The following WDR27 variants were observed in gnomAD, a reference collection of about 807,000 sequenced individuals.
The protein encoded by WDR27 is WD repeat-containing protein 27.
In WDR27, 100 loss-of-function variants were observed where a neutral mutation model predicts 114.4. The observed-to-expected ratio is 0.87, with a 90% CI of 0.74 to 1.03. The LOEUF is 1.03. WDR27 is among the 50% of genes least tolerant of loss of function. WDR27 has a pLI of 0.00. For missense variants in WDR27, 1,129 were observed against 1,092.9 expected (o/e 1.03, Z -0.47); for synonymous variants, 449 against 423.1 (o/e 1.06, Z -0.75).
chr6:169,685,973 G>A (rs1259172705), intron 2 of WDR27, among the ~76,000 whole-genome samples: 2 of 152,080 alleles, frequency 1.3e-5, no homozygotes, highest in Non-Finnish European at 2.9e-5. Flanking sequence ...CACATATAAG[G>A]GAATCTCTAT....
intron 1 of WDR27, among the ~76,000 whole-genome samples, chr6:169,697,844 T>C (rs1329987397): frequency 6.6e-6 from 1 of 152,172 alleles, no homozygotes; most frequent in Non-Finnish European, 1.5e-5. Flanking sequence ...TTGGGGCCAC[T>C]ACCGGTCTCC....
intron 25 of WDR27, among the ~76,000 whole-genome samples, chr6:169,503,350 A>G (rs1200631382): frequency 6.6e-6 from 1 of 152,252 alleles, no homozygotes; most frequent in Non-Finnish European, 1.5e-5. Flanking sequence ...AGGGTATGTA[A>G]TCGTAGGTCC....
intron 17 of WDR27, among the ~76,000 whole-genome samples, chr6:169,640,460 G>A (rs1818877698): frequency 6.6e-6 from 1 of 152,228 alleles, no homozygotes; most frequent in Non-Finnish European, 1.5e-5. Flanking sequence ...TAGAGTTCTG[G>A]CAGTTTTAGC....
intron 17 of WDR27, among the ~76,000 whole-genome samples, chr6:169,643,484 G>A (rs1562790913): frequency 6.6e-6 from 1 of 152,212 alleles, no homozygotes; most frequent in Non-Finnish European, 1.5e-5. Flanking sequence ...CAGGGCAACA[G>A]CCACGAAAGT....
chr6:169,584,153 G>C (rs1181729088), intron 23 of WDR27, among the ~76,000 whole-genome samples: 2 of 152,108 alleles, frequency 1.3e-5, no homozygotes, highest in East Asian at 1.9e-4. Flanking sequence ...ATTTCACACA[G>C]AAGTGAGATC....
intron 25 of WDR27, among the ~76,000 whole-genome samples, chr6:169,552,453 T>C (rs1015720251): frequency 6.6e-6 from 1 of 152,168 alleles, no homozygotes; most frequent in African/African-American, 2.4e-5. Flanking sequence ...TACAGCTGTG[T>C]TGGACAAATG....
chr6:169,676,352 T>C (rs771857748), intron 2 of WDR27, among the ~76,000 whole-genome samples: 2 of 152,212 alleles, frequency 1.3e-5, no homozygotes, highest in Non-Finnish European at 2.9e-5. Context: ...TTTAACCCTA[T>C]ATAACGTGGC....
At chr6:169,697,469 TCCTCTA>T (rs974552842) in intron 1 of WDR27, among the ~76,000 whole-genome samples, 6 of 152,164 alleles carry the variant, frequency 3.9e-5, no homozygotes, top group African/African-American at 1.4e-4. Context: ...AAGACTCTAC[TCCTCTA>T]CCTCTTGTGG....
At chr6:169,668,292 C>A in intron 4 of WDR27, 107 bp from the exon 5 acceptor site, 1 of 1,098,336 alleles carries the variant, frequency 9.1e-7, no homozygotes, top group Non-Finnish European at 1.3e-6. Flanking sequence ...GCTCAGGCGA[C>A]AGGCACAGTC....
chr6:169,598,952 C>T (rs990963309), intron 23 of WDR27, among the ~76,000 whole-genome samples: 30 of 152,098 alleles, frequency 2.0e-4, no homozygotes, highest in Admixed American at 1.3e-3. Context: ...TGATTTTCAA[C>T]GTGAAAATAA....
Position 169,651,932 on chromosome 6 carries a change from T to C in WDR27, c.1479A>G (p.Pro493=), listed in dbSNP as rs1445439243. ...KVRSSGYASA[P]HVTMFSPKTN... ...CTCATTGACATGAGTTCACTCACTG[T>C]GGTGCTGACGCATAACCAGATGACC... The change falls in exon 14 of 26, where the codon CCA becomes CCG. Residue 493 remains proline, a splice_region_variant and synonymous_variant. Coordinates refer to ENST00000448612, the MANE Select transcript of WDR27 (RefSeq NM_182552.5). 6.2e-7 allele frequency: 1 copy of C among 1,613,404 alleles called. No individual in the cohort carries two copies. Among genetic ancestry groups the C allele is most frequent in the Admixed American group, 1.7e-5 (1 of 59,974 alleles).
chr6:169,668,405 T>C (rs898223469), intron 4 of WDR27, among the ~76,000 whole-genome samples: 1 of 152,168 alleles, frequency 6.6e-6, no homozygotes, highest in Non-Finnish European at 1.5e-5. Flanking sequence ...GCCCCATGCA[T>C]CTGCCCTGAG....
the WDR27 span, among the ~76,000 whole-genome samples, chr6:169,428,608 A>AGGGGGGGGGTGGGGGGGGGGGG: frequency 8.7e-6 from 1 of 114,464 alleles, no homozygotes. Flanking sequence ...GGCGGGGGGG[A>AGGGGGGGGGTGGGGGGGGGGGG]GGGGGGGGTT....
chr6:169,663,466 A>G (rs1263304729), intron 8 of WDR27: 1 of 152,268 alleles, frequency 6.6e-6, no homozygotes, highest in East Asian at 1.9e-4. Flanking sequence ...GCACACACCA[A>G]TGAAAGAGGT....
chr6:169,620,957 C>T (rs915832584), intron 21 of WDR27, among the ~76,000 whole-genome samples: 1 of 152,190 alleles, frequency 6.6e-6, no homozygotes, highest in Non-Finnish European at 1.5e-5. Flanking sequence ...GTTACCTGGT[C>T]AGCACAGAGC....
At chr6:169,434,137 G>A in the WDR27 span, among the ~76,000 whole-genome samples, 3 of 152,264 alleles carry the variant, frequency 2.0e-5, no homozygotes, top group East Asian at 3.9e-4. Context: ...ATTGCTTTTG[G>A]TGTTTTAGTC....
chr6:169,550,351 C>A (rs1030121293), intron 25 of WDR27, among the ~76,000 whole-genome samples: 3 of 152,102 alleles, frequency 2.0e-5, no homozygotes, highest in African/African-American at 7.2e-5. Flanking sequence ...GGCTACTGGG[C>A]CCACAGATCC....
chr6:169,654,129 G>A (rs1823364904), intron 13 of WDR27, among the ~76,000 whole-genome samples: 1 of 152,182 alleles, frequency 6.6e-6, no homozygotes, highest in Admixed American at 6.5e-5. Flanking sequence ...GAAAATTGAT[G>A]CAAAACTCCT....
chr6:169,653,598 C>T (rs1823199012), intron 13 of WDR27, among the ~76,000 whole-genome samples: 1 of 152,084 alleles, frequency 6.6e-6, no homozygotes, highest in Non-Finnish European at 1.5e-5. Context: ...TTTGAGGGTA[C>T]TGCTATTTAA....
Sources: allele counts gnomAD v4.1 joint callset (sites outside exome capture counted in the v4.1 genomes callset), GRCh38; gene constraint gnomAD v4.1.1; transcripts MANE v1.5; gene names NCBI Gene and HGNC (gene_info 2026-07-23, HGNC 2026-07-21).